The following CREB1 variants were observed in gnomAD, a reference collection of about 807,000 sequenced individuals.
CREB1 encodes the protein cyclic AMP-responsive element-binding protein 1.
Under a neutral mutation model 42.0 loss-of-function variants are expected in CREB1, and 2 were observed. The ratio of observed to expected loss-of-function variants is 0.05; its 90% CI spans 0.02 to 0.15. The LOEUF (loss-of-function observed/expected upper bound fraction) is 0.15, where lower values mean the gene tolerates loss of function less well. Among genes scored for constraint, CREB1 ranks in the 10% least tolerant of loss-of-function variants. CREB1 has a pLI of 1.00. For synonymous variants in CREB1, 123 were observed against 139.9 expected, an observed-to-expected ratio of 0.88 and a Z score of 0.85; for missense variants, 199 against 388.9, an observed-to-expected ratio of 0.51 and a Z score of 4.11.
At chr2:207,567,674 C>T (rs2082190772) in intron 4 of CREB1, 111 bp downstream of exon 4, 3 of 595,358 alleles carry the variant, frequency 5.0e-6, no homozygotes. Context: ...TTATAGATTA[C>T]TTTTCTTCAT....
intron 5 of CREB1, among the ~76,000 whole-genome samples, chr2:207,573,863 G>A (rs2082469467): frequency 6.6e-6 from 1 of 152,214 alleles, no homozygotes; most frequent in Admixed American, 6.5e-5. Flanking sequence ...CAAGAAGAAA[G>A]TGGTATGTTA....
chr2:207,543,819 G>A (rs1424184924), intron 1 of CREB1, among the ~76,000 whole-genome samples: 2 of 152,112 alleles, frequency 1.3e-5, no homozygotes, highest in African/African-American at 4.8e-5. Context: ...TGGTCAGGAT[G>A]GTATCGATTT....
At chr2:207,557,099 C>T (rs1209780715) in intron 2 of CREB1, among the ~76,000 whole-genome samples, 1 of 151,964 alleles carries the variant, frequency 6.6e-6, no homozygotes, top group African/African-American at 2.4e-5. Flanking sequence ...GATTGCGCCA[C>T]TGCATTCCAG....
At chr2:207,573,969 T>G (rs548882940) in intron 5 of CREB1, among the ~76,000 whole-genome samples, 1 of 152,346 alleles carries the variant, frequency 6.6e-6, no homozygotes, top group African/African-American at 2.4e-5. Flanking sequence ...AAAATTAATC[T>G]TAGAATAGTT....
chr2:207,578,686 A>G (rs944925665), intron 7 of CREB1, among the ~76,000 whole-genome samples: 3 of 152,194 alleles, frequency 2.0e-5, no homozygotes, highest in African/African-American at 7.2e-5. Flanking sequence ...TTTTGTTCCT[A>G]AAATATTCTT....
intron 3 of CREB1, among the ~76,000 whole-genome samples, chr2:207,563,044 A>G (rs2082012203): frequency 6.6e-6 from 1 of 152,216 alleles, no homozygotes. Context: ...AGAGAGATGA[A>G]TAAAGCCAGG....
At chr2:207,590,275 C>T (rs947082840) in intron 7 of CREB1, among the ~76,000 whole-genome samples, 1 of 151,536 alleles carries the variant, frequency 6.6e-6, no homozygotes, top group African/African-American at 2.4e-5. Flanking sequence ...AGGGATGTCC[C>T]CCCGCTTCAT....
chr2:207,558,250 T>C (rs1441692344), intron 2 of CREB1, among the ~76,000 whole-genome samples: 1 of 152,232 alleles, frequency 6.6e-6, no homozygotes, highest in Admixed American at 6.5e-5. Flanking sequence ...CAGTCACATA[T>C]TTCGCTGCCT....
At chr2:207,580,818 C>T (rs888196067) in intron 7 of CREB1, 3 of 222,528 alleles carry the variant, frequency 1.3e-5, no homozygotes, top group African/African-American at 4.5e-5. Context: ...TGTGGCTCTC[C>T]TTCATGTGCC....
intron 7 of CREB1, chr2:207,582,246 G>T (rs1368069830): frequency 1.4e-6 from 1 of 696,096 alleles, no homozygotes; most frequent in East Asian, 2.7e-5. Context: ...AGTACTTGGA[G>T]GCTATGCAGA....
In CREB1 at chr2:207,603,786, C is replaced by A. The variant is rs1336330518; in HGVS notation, c.*6728C>A. 6.6e-6 allele frequency among the ~76,000 whole-genome samples: 1 copy of A among 152,042 alleles called. No individual in the cohort carries two copies. Among genetic ancestry groups the A allele is most frequent in the Non-Finnish European group, 1.5e-5 (1 of 68,018 alleles). On this transcript the variant is annotated 3_prime_UTR_variant, in exon 8 of 8. Transcript: ENST00000353267. ...CAGGTCCCCTTGCAATTCTAAAACT[C>A]TGTGATCATATAAATTGGAAGGAAA...
intron 5 of CREB1, among the ~76,000 whole-genome samples, chr2:207,571,010 TTC>T (rs2082333950): frequency 1.1e-5 from 1 of 92,384 alleles, no homozygotes; most frequent in African/African-American, 3.3e-5. Context: ...TGGTACTTTT[TTC>T]TCTTTTTCCC....
intron 3 of CREB1, among the ~76,000 whole-genome samples, chr2:207,563,117 A>G (rs1472873372): frequency 6.6e-6 from 1 of 152,178 alleles, no homozygotes; most frequent in South Asian, 2.1e-4. Flanking sequence ...TGCTCAGGGA[A>G]CACAGCACAG....
intron 5 of CREB1, among the ~76,000 whole-genome samples, chr2:207,570,922 G>T (rs184870817): frequency 6.7e-4 from 101 of 150,064 alleles, no homozygotes; most frequent in African/African-American, 2.3e-3. Flanking sequence ...ACTTAGGTCT[G>T]TCTTCTTATC....
chr2:207,555,773 C>T, intron 2 of CREB1, 24 bp downstream of exon 2: 1 of 1,435,248 alleles, frequency 7.0e-7, no homozygotes, highest in Non-Finnish European at 9.8e-7. Flanking sequence ...GGAGAGATTC[C>T]AGTTTGTGTC....
At chr2:207,583,449 A>G (rs572394295) in intron 7 of CREB1, among the ~76,000 whole-genome samples, 1 of 152,352 alleles carries the variant, frequency 6.6e-6, no homozygotes, top group Non-Finnish European at 1.5e-5. Flanking sequence ...AATTGATAAT[A>G]TGTACCATTG....
At chr2:207,562,941 A>C (rs2082009356) in intron 3 of CREB1, among the ~76,000 whole-genome samples, 1 of 152,264 alleles carries the variant, frequency 6.6e-6, no homozygotes, top group Non-Finnish European at 1.5e-5. Flanking sequence ...AGCAATGAGC[A>C]AATAATACTT....
chr2:207,581,579 C>G (rs1474060805), intron 7 of CREB1: 1 of 268,064 alleles, frequency 3.7e-6, no homozygotes, highest in Non-Finnish European at 7.0e-6. Flanking sequence ...TTACTCAAAC[C>G]AGTACAAAGG....
At chr2:207,541,974 C>G (rs2081115249) in intron 1 of CREB1, among the ~76,000 whole-genome samples, 1 of 152,140 alleles carries the variant, frequency 6.6e-6, no homozygotes, top group Non-Finnish European at 1.5e-5. Context: ...TGATGAGCTG[C>G]CTTTAGCATA....
Sources: gnomAD v4.1 joint callset for allele counts (sites outside exome capture counted in the v4.1 genomes callset) on GRCh38, gnomAD v4.1.1 for gene constraint, MANE v1.5 for transcripts, NCBI Gene and HGNC (gene_info 2026-07-23, HGNC 2026-07-21) for gene names.